Variants in THSD4 observed in about 807,000 individuals in gnomAD.
THSD4 encodes thrombospondin type-1 domain-containing protein 4.
Under a neutral mutation model 119.0 loss-of-function variants are expected in THSD4, and 69 were observed. The observed-to-expected ratio is 0.58, with a 90% confidence interval of 0.48 to 0.71. THSD4 has a LOEUF of 0.71. Among genes scored for constraint, THSD4 ranks in the 30% least tolerant of loss-of-function variants. THSD4 has a pLI of 0.00. For missense variants in THSD4, 1,393 were observed against 1,391.1 expected, an observed-to-expected ratio of 1.00 and a Z score of -0.02; for synonymous variants, 524 against 540.4, an observed-to-expected ratio of 0.97 and a Z score of 0.42.
chr15:71,439,383 T>C (rs1454492166), intron 7 of THSD4, among the ~76,000 whole-genome samples: 1 of 152,176 alleles, frequency 6.6e-6, no homozygotes, highest in Non-Finnish European at 1.5e-5. Flanking sequence ...CTGGAGAGGA[T>C]GTGGAGAAAT....
intron 7 of THSD4, among the ~76,000 whole-genome samples, chr15:71,449,145 A>T (rs2047229821): frequency 2.0e-5 from 3 of 152,206 alleles, no homozygotes; most frequent in Admixed American, 6.5e-5. Flanking sequence ...ATTCCTTGAG[A>T]TGGTGATCAC....
intron 3 of THSD4, among the ~76,000 whole-genome samples, chr15:71,200,494 T>C (rs1411484160): frequency 1.3e-5 from 2 of 152,078 alleles, no homozygotes; most frequent in African/African-American, 4.8e-5. Flanking sequence ...CTGAGAATAG[T>C]AGCAAATGGG....
intron 7 of THSD4, among the ~76,000 whole-genome samples, chr15:71,535,302 A>G (rs865873533): frequency 6.6e-6 from 1 of 152,222 alleles, no homozygotes; most frequent in African/African-American, 2.4e-5. Context: ...TGTAGCATGT[A>G]TCGATACTTC....
intron 7 of THSD4, among the ~76,000 whole-genome samples, chr15:71,457,391 A>G (rs2047355401): frequency 6.6e-6 from 1 of 151,308 alleles, no homozygotes; most frequent in Admixed American, 6.6e-5. Context: ...AAAAAAAAAA[A>G]AAAAAAAAAA....
chr15:71,199,551 TGTGTGTATGTG>T (rs2043755438), intron 3 of THSD4, among the ~76,000 whole-genome samples: 1 of 124,000 alleles, frequency 8.1e-6, no homozygotes, highest in Non-Finnish European at 1.6e-5. Context: ...GTATGTGTGG[TGTGTGTATGTG>T]GTGTGTGTGT....
At chr15:71,645,894 C>G (rs1040421548) in intron 7 of THSD4, among the ~76,000 whole-genome samples, 6 of 152,164 alleles carry the variant, frequency 3.9e-5, no homozygotes, top group African/African-American at 1.4e-4. Flanking sequence ...CAGGACAAAG[C>G]AAGTACTCCA....
intron 4 of THSD4, among the ~76,000 whole-genome samples, chr15:71,222,532 G>T (rs1473550355): frequency 6.6e-6 from 1 of 152,200 alleles, no homozygotes; most frequent in Non-Finnish European, 1.5e-5. Context: ...GCTGTGGGTG[G>T]CTGGGATATG....
intron 7 of THSD4, among the ~76,000 whole-genome samples, chr15:71,448,404 A>C (rs1264202810): frequency 6.6e-6 from 1 of 152,198 alleles, no homozygotes; most frequent in Non-Finnish European, 1.5e-5. Context: ...GGCATTTCAT[A>C]ATTTGATCTT....
At chr15:71,200,593 C>A (rs868291695) in intron 3 of THSD4, among the ~76,000 whole-genome samples, 6 of 152,126 alleles carry the variant, frequency 3.9e-5, no homozygotes, top group Non-Finnish European at 7.4e-5. Flanking sequence ...AGCCATTGTT[C>A]CGAATAATGG....
At chr15:71,632,724 G>A (rs1485380427) in intron 7 of THSD4, among the ~76,000 whole-genome samples, 1 of 152,236 alleles carries the variant, frequency 6.6e-6, no homozygotes, top group East Asian at 1.9e-4. Context: ...ACTGCTGTAA[G>A]TGATTTGGAA....
chr15:71,200,893 C>T (rs901595558), intron 3 of THSD4, among the ~76,000 whole-genome samples: 7 of 152,320 alleles, frequency 4.6e-5, no homozygotes, highest in Admixed American at 2.0e-4. Flanking sequence ...TGCCATGTCT[C>T]GCGAGCAGCC....
intron 7 of THSD4, chr15:71,547,216 TC>T (rs1394521170): frequency 1.5e-6 from 2 of 1,366,362 alleles, no homozygotes; most frequent in African/African-American, 3.0e-5. Flanking sequence ...CATGAAGAGA[TC>T]AGCTTACCAG....
intron 7 of THSD4, among the ~76,000 whole-genome samples, chr15:71,564,670 T>A (rs773595740): frequency 1.4e-5 from 1 of 70,472 alleles, no homozygotes; most frequent in South Asian, 4.0e-4. Flanking sequence ...ATATAGTATA[T>A]TATAACATAT....
chr15:71,481,784 T>C (rs1286163724), intron 7 of THSD4, among the ~76,000 whole-genome samples: 2 of 152,226 alleles, frequency 1.3e-5, no homozygotes, highest in African/African-American at 4.8e-5. Context: ...TCTCACCTTA[T>C]TAAGTGATCA....
At chr15:71,471,410 A>G (rs764987478) in intron 7 of THSD4, among the ~76,000 whole-genome samples, 3 of 151,736 alleles carry the variant, frequency 2.0e-5, no homozygotes, top group African/African-American at 4.8e-5. Context: ...TTTCTGTTTC[A>G]TCTCTCCCAC....
intron 4 of THSD4, among the ~76,000 whole-genome samples, chr15:71,231,588 C>T (rs76246395): frequency 6.6e-6 from 1 of 152,104 alleles, no homozygotes; most frequent in African/African-American, 2.4e-5. Flanking sequence ...CCATACCCCC[C>T]ATAAGCCTGT....
chr15:71,338,572 G>A (rs918534334), intron 6 of THSD4, among the ~76,000 whole-genome samples: 6 of 152,176 alleles, frequency 3.9e-5, no homozygotes, highest in African/African-American at 1.4e-4. Flanking sequence ...CAGGCAGGAG[G>A]TTAGGAGGTA....
chr15:71,581,551 G>A (rs964637765), intron 7 of THSD4, among the ~76,000 whole-genome samples: 1 of 152,018 alleles, frequency 6.6e-6, no homozygotes, highest in Admixed American at 6.5e-5. Flanking sequence ...AATCTCACTT[G>A]TCTGTTTTTG....
intron 4 of THSD4, among the ~76,000 whole-genome samples, chr15:71,216,854 G>T (rs2140251732): frequency 6.6e-6 from 1 of 152,332 alleles, no homozygotes; most frequent in South Asian, 2.1e-4. Flanking sequence ...TTGGAGTGCA[G>T]TGGCACCATC....
Sources: gnomAD v4.1 joint callset for allele counts (sites outside exome capture counted in the v4.1 genomes callset) on GRCh38, gnomAD v4.1.1 for gene constraint, MANE v1.5 for transcripts, NCBI Gene and HGNC (gene_info 2026-07-23, HGNC 2026-07-21) for gene names.